Variants in JMJD1C observed in about 807,000 individuals in gnomAD.
JMJD1C encodes the protein jumonji domain containing 1C.
Under a neutral mutation model 245.3 loss-of-function variants are expected in JMJD1C, and 31 were observed. The observed-to-expected ratio is 0.13, with a 90% CI of 0.09 to 0.17. The LOEUF (loss-of-function observed/expected upper bound fraction) is 0.17. Among genes scored for constraint, JMJD1C ranks in the 10% least tolerant of loss-of-function variants. The pLI is 1.00. For missense variants in JMJD1C, 2,691 were observed against 3,000.2 expected, an observed-to-expected ratio of 0.90 and a Z score of 2.41; for synonymous variants, 1,057 against 1,017.4, an observed-to-expected ratio of 1.04 and a Z score of -0.74.
intron 1 of JMJD1C, among the ~76,000 whole-genome samples, chr10:63,430,986 G>C (rs1950712733): frequency 6.6e-6 from 1 of 152,162 alleles, no homozygotes; most frequent in South Asian, 2.1e-4. Flanking sequence ...GCTTCCCAAA[G>C]TGTTAGGAGT....
intron 1 of JMJD1C, among the ~76,000 whole-genome samples, chr10:63,410,027 TGAAAA>T (rs1354147699): frequency 6.6e-6 from 1 of 152,116 alleles, no homozygotes; most frequent in Non-Finnish European, 1.5e-5. Context: ...TTTGAATAAA[TGAAAA>T]GATCATATAA....
At chr10:63,336,355 G>A (rs1274410786) in intron 2 of JMJD1C, among the ~76,000 whole-genome samples, 3 of 152,064 alleles carry the variant, frequency 2.0e-5, no homozygotes, top group Non-Finnish European at 4.4e-5. Flanking sequence ...CTACTTGGGA[G>A]GCTGACGCAG....
At chr10:63,442,376 T>C (rs960699346) in intron 1 of JMJD1C, among the ~76,000 whole-genome samples, 3 of 152,230 alleles carry the variant, frequency 2.0e-5, no homozygotes, top group Admixed American at 6.5e-5. Context: ...TAAGACAATG[T>C]TGAATATATA....
In JMJD1C at chr10:63,214,088, G is replaced by C. The variant is rs565904047; in HGVS notation, c.2079C>G (p.Ser693Arg). 3 of 1,614,102 alleles carry C rather than the reference G, an allele frequency of 1.9e-6. No individual in the cohort carries two copies. The highest frequency in any genetic ancestry group is 1.1e-5 in the South Asian group (1 of 91,074). The change falls in exon 8 of 26, where the codon AGC (serine) becomes AGG (arginine). Residue 693 changes from serine (S) to arginine (R), a missense_variant. By Grantham distance (110) the Ser-to-Arg change is moderately radical. Around this residue, in one of 9 missense-constraint regions of JMJD1C, gnomAD observed 1,562 missense variants for 1,490.7 expected, o/e 1.05. Transcript: ENST00000399262. Reference protein sequence around the residue: ...RCSFHPIPTRSSTLETTKSPL... With the variant: ...RCSFHPIPTRRSTLETTKSPL... ...GACTCTTTGTAGTTTCTAATGTACT[G>C]CTTCGAGTAGGAATTGGATGAAAAC... is the stretch of plus-strand genomic sequence containing the variant.
At chr10:63,341,378 C>T (rs1026447159) in intron 2 of JMJD1C, among the ~76,000 whole-genome samples, 1 of 152,184 alleles carries the variant, frequency 6.6e-6, no homozygotes, top group Non-Finnish European at 1.5e-5. Flanking sequence ...CCTAGAAAGA[C>T]ACTGACTACA....
At chr10:63,218,697 T>G (rs1399681404) in intron 4 of JMJD1C, among the ~76,000 whole-genome samples, 1 of 152,034 alleles carries the variant, frequency 6.6e-6, no homozygotes, top group Non-Finnish European at 1.5e-5. Flanking sequence ...AAGGATACAA[T>G]GCAGAAACAA....
At chr10:63,192,452 C>T (rs921531125) in intron 16 of JMJD1C, among the ~76,000 whole-genome samples, 2 of 152,024 alleles carry the variant, frequency 1.3e-5, no homozygotes, top group Non-Finnish European at 2.9e-5. Flanking sequence ...CCTTTAGTCC[C>T]ATCTACTTGG....
At position 63,215,126 on chromosome 10, in the gene JMJD1C, G is replaced by T. The variant is rs767932584; in HGVS notation, c.1041C>A (p.His347Gln). ...CAGGTTTCCTTCTTTTATTCATCAA[G>T]TGTTTGTTTTTACCTTTAGGATTTT... The part of the protein sequence containing the change: ...RGENPKGKNK[H>Q]LMNKRRKPEE... The change falls in exon 8 of 26, where the codon CAC becomes CAA. Residue 347 changes from histidine (H) to glutamine (Q), a missense_variant. His to Gln is a conservative substitution (Grantham distance 24). Around this residue, in one of 9 missense-constraint regions of JMJD1C, gnomAD observed 1,562 missense variants for 1,490.7 expected, o/e 1.05. Coordinates refer to ENST00000399262, the MANE Select transcript of JMJD1C (RefSeq NM_032776.3). 7.0e-6 allele frequency: 11 copies of T among 1,567,018 alleles called. No individual in the cohort carries two copies. Among genetic ancestry groups the T allele is most frequent in the Non-Finnish European group, 9.5e-6 (11 of 1,162,270 alleles).
chr10:63,276,042 G>A (rs965091903), intron 2 of JMJD1C, among the ~76,000 whole-genome samples: 4 of 152,038 alleles, frequency 2.6e-5, no homozygotes, highest in African/African-American at 2.4e-5. Flanking sequence ...TACTATGAAC[G>A]TCTTCATGCT....
At position 63,219,916 on chromosome 10, in the gene JMJD1C, C is replaced by T; in HGVS notation, c.515G>A (p.Trp172Ter). Residue 172 changes from tryptophan to a stop codon, truncating the protein, a stop_gained, in exon 4 of 26, where the codon TGG becomes TAG. Coordinates refer to ENST00000399262, the MANE Select transcript of JMJD1C (RefSeq NM_032776.3). LOFTEE classifies it high-confidence loss of function. ...NPQLHEEVKVWVKEQKVQEIF... is the reference protein window; with the variant it reads ...NPQLHEEVKV Reference sequence around the variant, plus strand: ...CTCCTGAACCTTTTGTTCCTTTACCCAGACTTTCACTTCCTCATGAAGCTG... The same window carrying T: ...CTCCTGAACCTTTTGTTCCTTTACCTAGACTTTCACTTCCTCATGAAGCTG... 6.2e-7 allele frequency: 1 copy of T among 1,613,748 alleles called. No individual in the cohort carries two copies. The highest frequency in any genetic ancestry group is 8.5e-7 in the Non-Finnish European group (1 of 1,179,724).
intron 2 of JMJD1C, among the ~76,000 whole-genome samples, chr10:63,303,296 T>A (rs1417319622): frequency 6.6e-6 from 1 of 152,122 alleles, no homozygotes; most frequent in Non-Finnish European, 1.5e-5. Context: ...ACTCTGCTTG[T>A]GCCTTTTTTG....
chr10:63,338,640 A>ATTTTTTTTTTTTTTTTTTTTTTTTTTTTT (rs34238197), intron 2 of JMJD1C, among the ~76,000 whole-genome samples: 1 of 95,126 alleles, frequency 1.1e-5, no homozygotes, highest in Non-Finnish European at 2.0e-5. Flanking sequence ...TGCTCCTTAG[A>ATTTTTTTTTTTTTTTTTTTTTTTTTTTTT]TTTTTTTTTT....
At chr10:63,517,710 GA>G (rs1317912889) in intron 1 of JMJD1C, among the ~76,000 whole-genome samples, 1 of 151,292 alleles carries the variant, frequency 6.6e-6, no homozygotes, top group African/African-American at 2.4e-5. Context: ...CTTCTAGGCA[GA>G]AGGTACTATA....
At chr10:63,257,385 G>A (rs996588729) in intron 3 of JMJD1C, among the ~76,000 whole-genome samples, 1 of 152,132 alleles carries the variant, frequency 6.6e-6, no homozygotes, top group African/African-American at 2.4e-5. Flanking sequence ...GATAAACCTA[G>A]CTTTAGTTGA....
intron 3 of JMJD1C, among the ~76,000 whole-genome samples, chr10:63,224,925 G>A (rs1260318614): frequency 1.3e-5 from 2 of 152,008 alleles, no homozygotes; most frequent in African/African-American, 4.8e-5. Context: ...AGCTGGGTGT[G>A]GTGGTGGGCG....
At chr10:63,480,668 T>C (rs998068079) in intron 1 of JMJD1C, among the ~76,000 whole-genome samples, 1 of 152,168 alleles carries the variant, frequency 6.6e-6, no homozygotes, top group Non-Finnish European at 1.5e-5. Flanking sequence ...CACAGCCAGT[T>C]TGAATGCCTA....
chr10:63,341,171 A>C (rs916278156), intron 2 of JMJD1C, among the ~76,000 whole-genome samples: 1 of 152,086 alleles, frequency 6.6e-6, no homozygotes, highest in African/African-American at 2.4e-5. Flanking sequence ...AACTATAAAT[A>C]CTCAATAGGT....
intron 2 of JMJD1C, among the ~76,000 whole-genome samples, chr10:63,366,304 A>G (rs1247707098): frequency 6.6e-6 from 1 of 152,180 alleles, no homozygotes; most frequent in Non-Finnish European, 1.5e-5. Flanking sequence ...TGTGATTGAA[A>G]TGAGCTAATG....
Position 63,419,395 on chromosome 10 carries a change from AT to A in JMJD1C, c.169-38914del, listed in dbSNP as rs748726602. Among the ~76,000 whole-genome samples, 1,242 of 151,528 alleles carry A rather than the reference AT, an allele frequency of 8.2e-3. 12 individuals carry two copies. Among genetic ancestry groups the A allele is most frequent in the Non-Finnish European group, 0.013 (885 of 67,766 alleles). ...GAGCAAGACTCTGTCTCGAAAAAAA[AT>A]ATATATATAGATAAGATATACTTTA... On this transcript the variant is annotated intron_variant, in intron 1 of 25. Transcript: ENST00000399262.
Sources: gnomAD v4.1 joint callset for allele counts (sites outside exome capture counted in the v4.1 genomes callset) on GRCh38, gnomAD v4.1.1 for gene constraint, gnomAD v4.1.1 regional missense constraint, MANE v1.5 for transcripts, NCBI Gene and HGNC (gene_info 2026-07-23, HGNC 2026-07-21) for gene names.